The following ZC4H2 variants were observed in gnomAD, a reference collection of about 807,000 sequenced individuals.
The protein encoded by ZC4H2 is zinc finger C4H2-type containing.
For missense variants in ZC4H2, 137 were observed against 173.9 expected (o/e 0.79, Z 1.19); for synonymous variants, 84 against 66.3 (o/e 1.27, Z -1.30).
At chrX:65,006,827 T>A (rs1932671023) in intron 1 of ZC4H2, among the ~76,000 whole-genome samples, 1 of 112,204 alleles carries the variant, frequency 8.9e-6, no homozygotes, top group South Asian at 3.7e-4. Context: ...TTTTCAATTT[T>A]AAACATTAAA....
intron 1 of ZC4H2, among the ~76,000 whole-genome samples, chrX:64,999,039 G>GTTTTTTTTTTTTTTTTTTTTT (rs58094683): frequency 8.4e-5 from 1 of 11,841 alleles, no homozygotes; most frequent in African/African-American, 2.8e-4. Context: ...TGGATTATGT[G>GTTTTTTTTTTTTTTTTTTTTT]TTTTTTTTTT....
intron 1 of ZC4H2, among the ~76,000 whole-genome samples, chrX:64,973,224 G>A (rs752747921): frequency 9.1e-6 from 1 of 109,739 alleles, no homozygotes; most frequent in Non-Finnish European, 1.9e-5. Context: ...CGTAATTTTA[G>A]TTTCTCCATT....
intron 1 of ZC4H2, among the ~76,000 whole-genome samples, chrX:64,986,921 C>CTTTTTT (rs1028871395): frequency 1.3e-5 from 1 of 79,575 alleles, no homozygotes; most frequent in African/African-American, 5.2e-5. Context: ...CAAGATAATT[C>CTTTTTT]TTTTTTTTTT....
At chrX:65,008,227 T>C (rs1289313380) in intron 1 of ZC4H2, among the ~76,000 whole-genome samples, 3 of 111,966 alleles carry the variant, frequency 2.7e-5, no homozygotes, top group Non-Finnish European at 5.7e-5. Context: ...AACATCACTA[T>C]TTATCAGAGA....
At chrX:64,934,800 C>T (rs1929917931) in intron 1 of ZC4H2, among the ~76,000 whole-genome samples, 1 of 111,902 alleles carries the variant, frequency 8.9e-6, no homozygotes, top group South Asian at 3.8e-4. Flanking sequence ...CACTATAACT[C>T]AAATACTGTG....
At chrX:64,999,025 C>T (rs1157593945) in intron 1 of ZC4H2, among the ~76,000 whole-genome samples, 6 of 74,495 alleles carry the variant, frequency 8.1e-5, no homozygotes, top group African/African-American at 3.1e-4. Context: ...AGACAGCATA[C>T]AGTTGGATTA....
intron 1 of ZC4H2, among the ~76,000 whole-genome samples, chrX:64,983,745 G>T (rs945969103): frequency 3.0e-4 from 33 of 111,253 alleles, no homozygotes; most frequent in African/African-American, 1.1e-3. Flanking sequence ...GTAGCTCTAC[G>T]GAATAGTATT....
chrX:64,959,568 T>A (rs965017068), intron 1 of ZC4H2, among the ~76,000 whole-genome samples: 1 of 108,555 alleles, frequency 9.2e-6, no homozygotes, highest in Non-Finnish European at 1.9e-5. Flanking sequence ...CAGACTTTTC[T>A]GGTCTGAGTT....
intron 1 of ZC4H2, among the ~76,000 whole-genome samples, chrX:64,969,672 T>C (rs1931711324): frequency 8.9e-6 from 1 of 111,914 alleles, no homozygotes; most frequent in Non-Finnish European, 1.9e-5. Flanking sequence ...CCATATCTAC[T>C]GAATCAGAGA....
chrX:65,009,995 G>T (rs907394168), intron 1 of ZC4H2, among the ~76,000 whole-genome samples: 1 of 112,065 alleles, frequency 8.9e-6, no homozygotes, highest in Non-Finnish European at 1.9e-5. Context: ...GCCAGAATTT[G>T]TGAAGACAAA....
At chrX:65,015,670 A>G (rs1932792733) in intron 1 of ZC4H2, among the ~76,000 whole-genome samples, 1 of 112,354 alleles carries the variant, frequency 8.9e-6, no homozygotes, top group African/African-American at 3.2e-5. Flanking sequence ...TGCCTCCTGC[A>G]TCTGCACTTC....
At chrX:65,019,909 A>T (rs1268814310) in intron 1 of ZC4H2, among the ~76,000 whole-genome samples, 1 of 112,316 alleles carries the variant, frequency 8.9e-6, no homozygotes, top group African/African-American at 3.2e-5. Flanking sequence ...TCAACAGCTG[A>T]ATCGATTAAG....
chrX:64,938,091 G>A (rs1470430719), intron 1 of ZC4H2, among the ~76,000 whole-genome samples: 1 of 111,827 alleles, frequency 8.9e-6, no homozygotes, highest in Non-Finnish European at 1.9e-5. Context: ...AGTAAAAAAC[G>A]ACATAGGGCA....
chrX:64,954,337 T>A (rs1483653863), intron 1 of ZC4H2, among the ~76,000 whole-genome samples: 5 of 73,455 alleles, frequency 6.8e-5, no homozygotes, highest in East Asian at 3.5e-4. Context: ...TATATATATA[T>A]AATTATATAT....
At chrX:64,920,274 G>A (rs771232371) in intron 2 of ZC4H2, 21 bp from the exon 3 acceptor site, 3 of 1,199,205 alleles carry the variant, frequency 2.5e-6, no homozygotes, top group Non-Finnish European at 3.4e-6. Flanking sequence ...GAGTGGGATA[G>A]GCACAGAGAA....
intron 1 of ZC4H2, among the ~76,000 whole-genome samples, chrX:65,008,396 C>A (rs1932702870): frequency 8.9e-6 from 1 of 111,844 alleles, no homozygotes; most frequent in Non-Finnish European, 1.9e-5. Flanking sequence ...CTATGGAGAA[C>A]AATATGCAAG....
At chrX:64,978,890 A>T (rs770832012), upstream of ZC4H2, among the ~76,000 whole-genome samples, 20 of 111,332 alleles carry the variant, frequency 1.8e-4, no homozygotes, top group Non-Finnish European at 3.4e-4. Flanking sequence ...ATTTATGAAC[A>T]GCCTTTGAGA....
chrX:64,987,464 G>GT (rs777964481), intron 1 of ZC4H2, among the ~76,000 whole-genome samples: 1,175 of 91,884 alleles, frequency 0.013, 8 homozygotes, highest in South Asian at 0.064. Flanking sequence ...GGTTTGCTGG[G>GT]TTTTTTTTTT....
At chrX:64,921,777 T>A (rs750037734) in intron 2 of ZC4H2, 40 bp downstream of exon 2, 112 of 1,189,653 alleles carry the variant, frequency 9.4e-5, no homozygotes, top group Middle Eastern at 2.7e-4. Flanking sequence ...ACTACCTCTT[T>A]CTCAAAGGCT....
Sources: allele counts gnomAD v4.1 joint callset (sites outside exome capture counted in the v4.1 genomes callset), GRCh38; gene constraint gnomAD v4.1.1; transcripts MANE v1.5; gene names NCBI Gene and HGNC (gene_info 2026-07-23, HGNC 2026-07-21).